EXOC4: variants seen among roughly 807,000 people sequenced by gnomAD.
The protein encoded by EXOC4 is exocyst complex component 4.
In EXOC4, 71 loss-of-function variants were observed where a neutral mutation model predicts 107.2. That is an observed-to-expected ratio of 0.66 (90% CI 0.55 to 0.81). EXOC4 has a LOEUF of 0.81. Ranked by LOEUF, EXOC4 falls within the 30% of genes least tolerant of loss-of-function variation. The pLI is 0.00. For missense variants in EXOC4, 1,108 were observed against 1,189.6 expected, an observed-to-expected ratio of 0.93 and a Z score of 1.01; for synonymous variants, 456 against 441.2, an observed-to-expected ratio of 1.03 and a Z score of -0.42.
chr7:133,765,509 C>G (rs751397016), intron 10 of EXOC4, among the ~76,000 whole-genome samples: 1 of 151,976 alleles, frequency 6.6e-6, no homozygotes, highest in South Asian at 2.1e-4. Context: ...TTAACATGGA[C>G]AAATCGTTTA....
chr7:134,005,208 G>A, intron 16 of EXOC4, 118 bp downstream of exon 16: 2 of 1,071,804 alleles, frequency 1.9e-6, no homozygotes, highest in South Asian at 1.6e-5. Flanking sequence ...TTGCTTGCTT[G>A]TTTGAACTAA....
At chr7:133,581,164 T>G (rs879918122) in intron 9 of EXOC4, among the ~76,000 whole-genome samples, 8 of 152,188 alleles carry the variant, frequency 5.3e-5, no homozygotes, top group Non-Finnish European at 1.2e-4. Context: ...TTCTCTGATT[T>G]ATTAACACTG....
intron 9 of EXOC4, among the ~76,000 whole-genome samples, chr7:133,502,638 T>C (rs1003045346): frequency 2.0e-5 from 3 of 152,274 alleles, no homozygotes; most frequent in Middle Eastern, 3.4e-3. Flanking sequence ...TGACCACTTA[T>C]TGCTAAGTGG....
intron 7 of EXOC4, among the ~76,000 whole-genome samples, chr7:133,445,100 C>T (rs1387696759): frequency 6.6e-6 from 1 of 151,990 alleles, no homozygotes; most frequent in Non-Finnish European, 1.5e-5. Context: ...CAAGTTCCTC[C>T]TGTCATGTAC....
At chr7:133,436,764 T>G (rs1308425288) in intron 7 of EXOC4, among the ~76,000 whole-genome samples, 2 of 152,172 alleles carry the variant, frequency 1.3e-5, no homozygotes, top group Non-Finnish European at 2.9e-5. Flanking sequence ...GCAAAAAAAC[T>G]CCAAAAATGA....
the EXOC4 span, among the ~76,000 whole-genome samples, chr7:134,087,741 T>C: frequency 2.0e-5 from 3 of 152,282 alleles, no homozygotes; most frequent in African/African-American, 7.2e-5. Flanking sequence ...AATAAACTCA[T>C]AAACAACTGA....
At chr7:133,691,114 G>T (rs1380360754) in intron 10 of EXOC4, among the ~76,000 whole-genome samples, 1 of 152,180 alleles carries the variant, frequency 6.6e-6, no homozygotes, top group Non-Finnish European at 1.5e-5. Context: ...TTTTAGGGTA[G>T]TATATCCTCA....
chr7:133,281,554 CAT>C (rs1460176416), intron 2 of EXOC4, among the ~76,000 whole-genome samples: 1 of 151,926 alleles, frequency 6.6e-6, no homozygotes, highest in Non-Finnish European at 1.5e-5. Flanking sequence ...ATCCTTGACT[CAT>C]AGATAACTTT....
At chr7:133,856,314 G>A (rs1348242064) in intron 11 of EXOC4, among the ~76,000 whole-genome samples, 2 of 152,222 alleles carry the variant, frequency 1.3e-5, no homozygotes, top group Non-Finnish European at 2.9e-5. Flanking sequence ...CATTGTAAGT[G>A]GGAAAATAAT....
rs183049721 is a variant in EXOC4 at position 133,368,348 on chromosome 7, T to A, written c.1008-6480T>A. Among the ~76,000 whole-genome samples, 3 of 152,292 alleles carry A rather than the reference T, an allele frequency of 2.0e-5. No individual in the cohort carries two copies. The East Asian group carries it at 5.8e-4, about 29-fold the overall frequency. ...AACTTAATCAAAGAGGGGCTTTTTA[T>A]TAGAATGATACAGAATTATTATTAT... On this transcript the variant is annotated intron_variant, in intron 6 of 17. Coordinates refer to ENST00000253861, the MANE Select transcript of EXOC4 (RefSeq NM_021807.4).
intron 11 of EXOC4, among the ~76,000 whole-genome samples, chr7:133,844,610 G>A (rs959934179): frequency 6.6e-6 from 1 of 151,690 alleles, no homozygotes; most frequent in Non-Finnish European, 1.5e-5. Flanking sequence ...GGATGGTCTC[G>A]ATCTCTTGAT....
chr7:133,578,887 T>C (rs1801190449), intron 9 of EXOC4, among the ~76,000 whole-genome samples: 1 of 152,168 alleles, frequency 6.6e-6, no homozygotes. Context: ...CTCTTTGAGG[T>C]AGCTAGGGCA....
chr7:133,336,423 C>A (rs187608561), intron 5 of EXOC4, among the ~76,000 whole-genome samples: 43 of 152,240 alleles, frequency 2.8e-4, no homozygotes, highest in Middle Eastern at 6.8e-3. Flanking sequence ...AATTCTCCCC[C>A]CAAAGAGAAA....
At chr7:133,253,224 G>A in intron 1 of EXOC4, 37 bp downstream of exon 1, 1 of 1,600,192 alleles carries the variant, frequency 6.2e-7, no homozygotes, top group Non-Finnish European at 8.5e-7. Context: ...GGGACTGGGG[G>A]CAGCGGCTCG....
chr7:133,745,036 G>C (rs1181613641), intron 10 of EXOC4, among the ~76,000 whole-genome samples: 2 of 152,098 alleles, frequency 1.3e-5, no homozygotes, highest in African/African-American at 4.8e-5. Context: ...CTAGAAATTT[G>C]CCAAGGAGAT....
At chr7:133,458,946 C>T (rs1441261086) in intron 7 of EXOC4, among the ~76,000 whole-genome samples, 1 of 142,750 alleles carries the variant, frequency 7.0e-6, no homozygotes, top group East Asian at 2.2e-4. Flanking sequence ...TTAATTGTCA[C>T]TCCATTTACA....
chr7:133,828,364 G>C (rs112283487), intron 11 of EXOC4, among the ~76,000 whole-genome samples: 97 of 152,278 alleles, frequency 6.4e-4, no homozygotes, highest in African/African-American at 2.3e-3. Context: ...TAGCATTCTT[G>C]GGAGCAGCAG....
At chr7:133,980,614 G>A (rs1332250290) in intron 14 of EXOC4, among the ~76,000 whole-genome samples, 1 of 151,882 alleles carries the variant, frequency 6.6e-6, no homozygotes, top group Non-Finnish European at 1.5e-5. Context: ...TAGTTAATAG[G>A]AGAATACTCA....
intron 17 of EXOC4, among the ~76,000 whole-genome samples, chr7:134,034,463 A>G (rs1313538558): frequency 2.0e-5 from 3 of 152,190 alleles, no homozygotes; most frequent in African/African-American, 7.2e-5. Flanking sequence ...ATGTCAAGGG[A>G]GAGACCAGGT....
Sources: allele counts gnomAD v4.1 joint callset (sites outside exome capture counted in the v4.1 genomes callset), GRCh38; gene constraint gnomAD v4.1.1; transcripts MANE v1.5; gene names NCBI Gene and HGNC (gene_info 2026-07-23, HGNC 2026-07-21).